TMC1: variants seen among roughly 807,000 people sequenced by gnomAD.
TMC1 encodes the protein transmembrane channel-like protein 1.
In TMC1, 84 loss-of-function variants were observed where a neutral mutation model predicts 105.8. That is an observed-to-expected ratio of 0.79 (90% CI 0.67 to 0.95). The LOEUF is 0.95. Among genes scored for constraint, TMC1 ranks in the 40% least tolerant of loss-of-function variants. The pLI is 0.00. For synonymous variants in TMC1, 315 were observed against 311.5 expected (o/e 1.01, Z -0.12); for missense variants, 817 against 914.1 (o/e 0.89, Z 1.37).
chr9:72,767,039 T>C lies in TMC1; in HGVS notation c.742-5374T>C, dbSNP rs866092273. 2.0e-5 allele frequency among the ~76,000 whole-genome samples: 3 copies of C among 152,304 alleles called. No homozygotes were observed. In the South Asian group the frequency reaches 6.2e-4, roughly 32 times the overall value. ...AATTAGCCTTTTCACTCCTTGTTTC[T>C]TTCCTGTGTTGCGTCCTACTCCATG... On this transcript the variant is annotated intron_variant, in intron 12 of 23. Transcript: ENST00000297784.
At position 72,700,570 on chromosome 9, in the gene TMC1, G is replaced by A; in HGVS notation, c.289G>A (p.Asp97Asn). 1 of 1,607,682 alleles carries A rather than the reference G, an allele frequency of 6.2e-7. No individual in the cohort carries two copies. Among genetic ancestry groups the A allele is most frequent in the Non-Finnish European group, 8.5e-7 (1 of 1,175,720 alleles). ...ATTGGAAAGATTGAAGGCAGAGTTA[G>A]ATGAGAAAAGACAAATAATTGCTAC... ...EELERLKAELDEKRQIIATVK... is the reference protein window; with the variant it reads ...EELERLKAELNEKRQIIATVK... Residue 97 changes from aspartate (D) to asparagine (N), a missense_variant, in exon 8 of 24, where the codon GAT becomes AAT. Asp to Asn is a conservative substitution (Grantham distance 23). Transcript: ENST00000297784.
At chr9:72,694,929 C>T (rs1302718576) in intron 7 of TMC1, among the ~76,000 whole-genome samples, 1 of 152,028 alleles carries the variant, frequency 6.6e-6, no homozygotes, top group East Asian at 1.9e-4. Flanking sequence ...ATGAGAAATT[C>T]TCTTATGAAG....
intron 20 of TMC1, among the ~76,000 whole-genome samples, chr9:72,822,086 A>G (rs549161339): frequency 1.3e-5 from 2 of 152,194 alleles, no homozygotes; most frequent in Non-Finnish European, 2.9e-5. Context: ...TCTATGACAC[A>G]TATCAGAAAC....
At chr9:72,743,376 A>T (rs182711003) in intron 10 of TMC1, among the ~76,000 whole-genome samples, 61 of 149,774 alleles carry the variant, frequency 4.1e-4, no homozygotes, top group East Asian at 1.9e-3. Flanking sequence ...CACAAAAAAA[A>T]AAAAATAAAA....
chr9:72,643,248 A>G (rs1251920335), intron 4 of TMC1, among the ~76,000 whole-genome samples: 1 of 151,844 alleles, frequency 6.6e-6, no homozygotes, highest in Admixed American at 6.6e-5. Context: ...ATTTCATAAC[A>G]TACTCTCATT....
chr9:72,693,025 C>G (rs1274767769), intron 6 of TMC1, among the ~76,000 whole-genome samples: 1 of 150,550 alleles, frequency 6.6e-6, no homozygotes. Context: ...GAGGCTGAGA[C>G]AAGAGAATCG....
intron 5 of TMC1, among the ~76,000 whole-genome samples, chr9:72,650,881 T>TATATATATAA (rs1169622478): frequency 2.1e-5 from 2 of 97,052 alleles, no homozygotes; most frequent in African/African-American, 8.3e-5. Context: ...TTTATATATA[T>TATATATATAA]AGATATATAG....
rs199499836 is a variant in TMC1, at chr9:72,751,932, A to C, written c.618A>C (p.Thr206=). 1.2e-6 allele frequency: 2 copies of C among 1,612,242 alleles called. No homozygotes were observed. Among genetic ancestry groups the C allele is most frequent in the African/African-American group, 2.7e-5 (2 of 74,988 alleles). Reference sequence around the variant, plus strand: ...TCAATATGGTTCTCTTTATCCTGACATTTAGCCTCATCATGTTGCCAGAGG... The same window carrying C: ...TCAATATGGTTCTCTTTATCCTGACCTTTAGCCTCATCATGTTGCCAGAGG... The part of the protein sequence containing the change: ...YGVNMVLFIL[T]FSLIMLPEYL... Residue 206 remains threonine, a synonymous_variant, in exon 11 of 24, where the codon ACA becomes ACC. Transcript: ENST00000297784.
At chr9:72,606,596 G>A (rs1389911146) in intron 2 of TMC1, among the ~76,000 whole-genome samples, 1 of 151,994 alleles carries the variant, frequency 6.6e-6, no homozygotes, top group East Asian at 1.9e-4. Flanking sequence ...TGACTTTGAA[G>A]TATTTTTAGC....
At chr9:72,756,379 C>T (rs1055515404) in intron 12 of TMC1, among the ~76,000 whole-genome samples, 6 of 152,218 alleles carry the variant, frequency 3.9e-5, no homozygotes, top group Admixed American at 6.5e-5. Flanking sequence ...TCTTCTTAGG[C>T]GGGTCTGGGT....
chr9:72,804,898 T>G (rs995890944), intron 17 of TMC1, among the ~76,000 whole-genome samples: 2 of 152,264 alleles, frequency 1.3e-5, no homozygotes, highest in Non-Finnish European at 2.9e-5. Context: ...TTGTATATGT[T>G]CTTCTGTGAA....
At chr9:72,570,566 A>G (rs1011353120) in intron 1 of TMC1, among the ~76,000 whole-genome samples, 4 of 151,068 alleles carry the variant, frequency 2.6e-5, no homozygotes, top group Non-Finnish European at 5.9e-5. Flanking sequence ...TTCATTTCTT[A>G]TATTTTAAAT....
At chr9:72,827,551 C>G (rs997115602) in intron 21 of TMC1, among the ~76,000 whole-genome samples, 5 of 152,236 alleles carry the variant, frequency 3.3e-5, no homozygotes, top group African/African-American at 1.2e-4. Flanking sequence ...TGGGAAGTTC[C>G]TGTAGTCTGT....
At chr9:72,696,773 T>C (rs908101080) in intron 7 of TMC1, among the ~76,000 whole-genome samples, 1 of 152,182 alleles carries the variant, frequency 6.6e-6, no homozygotes, top group Non-Finnish European at 1.5e-5. Flanking sequence ...GGATAAGTAA[T>C]ATATTCATAG....
At position 72,594,853 on chromosome 9, in the gene TMC1, T is replaced by TCTG. The variant is rs558325323; in HGVS notation, c.-306+16833_-306+16835dup. Among the ~76,000 whole-genome samples, 75 of 126,952 alleles carry TCTG rather than the reference T, an allele frequency of 5.9e-4. No individual in the cohort carries two copies. The South Asian group carries it at 0.018, about 30-fold the overall frequency. 83.3% of individuals were successfully genotyped at this position (126,952 alleles called of 152,430 possible). A position where few individuals can be genotyped will look rare whatever the true frequency, so the allele number is the denominator to read the frequency against. On this transcript the variant is annotated intron_variant, in intron 2 of 23. Transcript: ENST00000297784. ...CCTGCCTCACAATGTGCAGCTCTCCTCTGCTTCTTCTTCTTCTTTTTTTTT... is the reference window on the plus strand; with the variant it reads ...CCTGCCTCACAATGTGCAGCTCTCCTCTGCTGCTTCTTCTTCTTCTTTTTTTTT...
intron 18 of TMC1, among the ~76,000 whole-genome samples, chr9:72,805,999 C>T (rs188631871): frequency 0.056 from 8,468 of 150,264 alleles, 274 homozygotes; most frequent in African/African-American, 0.077. Context: ...CCACCTTTCC[C>T]GCCTTTCTAT....
chr9:72,559,802 T>A (rs6560288), intron 1 of TMC1, among the ~76,000 whole-genome samples: 1 of 151,928 alleles, frequency 6.6e-6, no homozygotes, highest in African/African-American at 2.4e-5. Context: ...ACAGAAATGA[T>A]GACAAAAAAA....
chr9:72,690,924 C>A (rs947458548), intron 6 of TMC1, among the ~76,000 whole-genome samples: 1 of 151,920 alleles, frequency 6.6e-6, no homozygotes, highest in African/African-American at 2.4e-5. Context: ...CCTTTTCTTT[C>A]TTTTATTCTC....
chr9:72,547,591 A>G (rs960023256), intron 1 of TMC1, among the ~76,000 whole-genome samples: 2 of 152,190 alleles, frequency 1.3e-5, no homozygotes, highest in Non-Finnish European at 2.9e-5. Context: ...TTATCCTAGA[A>G]ATAGAAAGAC....
Sources: gnomAD v4.1 joint callset for allele counts (sites outside exome capture counted in the v4.1 genomes callset) on GRCh38, gnomAD v4.1.1 for gene constraint, MANE v1.5 for transcripts, NCBI Gene and HGNC (gene_info 2026-07-23, HGNC 2026-07-21) for gene names.